RNF139: variants seen among roughly 807,000 people sequenced by gnomAD.
RNF139 encodes ring finger protein 139, also known as E3 ubiquitin-protein ligase RNF139.
A neutral mutation model predicts 49.5 loss-of-function variants in RNF139; 15 were observed. The ratio of observed to expected loss-of-function variants is 0.30; its 90% CI spans 0.20 to 0.47. The LOEUF (loss-of-function observed/expected upper bound fraction) is 0.47. Ranked by LOEUF, RNF139 falls within the 20% of genes least tolerant of loss-of-function variation. RNF139 has a pLI of 1.00. For synonymous variants in RNF139, 325 were observed against 300.9 expected (o/e 1.08, Z -0.83); for missense variants, 619 against 806.3 (o/e 0.77, Z 2.81).
At chr8:124,483,072 A>AT (rs372002851) in intron 1 of RNF139, among the ~76,000 whole-genome samples, 6 of 51,598 alleles carry the variant, frequency 1.2e-4, no homozygotes, top group Non-Finnish European at 1.7e-4. Context: ...ATATATATAT[A>AT]TTATTTAAAT....
At position 124,475,089 on chromosome 8, in the gene RNF139, G is replaced by T. The variant is rs564831571; in HGVS notation, c.-21G>T. The T allele has an allele frequency of 2.0e-6, 3 of 1,536,572 alleles. No homozygotes were observed. Among genetic ancestry groups the T allele is most frequent in the East Asian group, 2.5e-5 (1 of 40,528 alleles). ...CGCGCGGCCCTGCCCGGCCCACCGA[G>T]CCCTGGTGTGGCAGCGGCTCATGGC... On this transcript the variant is annotated 5_prime_UTR_variant, in exon 1 of 2. Coordinates refer to ENST00000303545, the MANE Select transcript of RNF139 (RefSeq NM_007218.4).
chr8:124,478,602 T>G (rs1816349924), intron 1 of RNF139, among the ~76,000 whole-genome samples: 1 of 138,340 alleles, frequency 7.2e-6, no homozygotes, highest in Non-Finnish European at 1.6e-5. Context: ...AGCGAGACTG[T>G]CTCAAAAAAA....
At position 124,474,910 on chromosome 8, in the gene RNF139, CCT is replaced by C. The variant is rs1318466607; in HGVS notation, c.-196_-195del. The C allele has an allele frequency of 3.0e-6, 1 of 337,078 alleles. No homozygotes were observed. The highest frequency in any genetic ancestry group is 5.3e-6 in the Non-Finnish European group (1 of 190,412). The allele number at this position is 337,078 out of a possible 1,614,324, so 20.9% of individuals were successfully genotyped here. ...CCTCCTGGGGAGCCGCCGCCGCCGC[CCT>C]CTCGGCCATCGCTGCCTCCGCCGCC... On this transcript the variant is annotated 5_prime_UTR_variant, in exon 1 of 2. Coordinates refer to ENST00000303545, the MANE Select transcript of RNF139 (RefSeq NM_007218.4). The surrounding 1 kb of genome is among the most constrained non-coding windows in gnomAD (Gnocchi z 4.6).
At position 124,486,578 on chromosome 8, in the gene RNF139, TG is replaced by T; in HGVS notation, c.931del (p.Ala311ProfsTer30). ...GCCCATTATTTGGGGCTTGGAATAT[TG>T]GCCTTTATTGGATCAACTGAGGAAG... ...SVAHYLGLGI[L>X]AFIGSTEEDD... is the part of the protein sequence containing the mutation. On this transcript the variant is annotated frameshift_variant, in exon 2 of 2. Transcript: ENST00000303545. LOFTEE classifies it high-confidence loss of function. 6.2e-7 allele frequency: 1 copy of T among 1,614,182 alleles called. No individual in the cohort carries two copies. The highest frequency in any genetic ancestry group is 8.5e-7 in the Non-Finnish European group (1 of 1,180,028).
In RNF139 at chr8:124,485,955, C is replaced by T. The variant is rs1160525579; in HGVS notation, c.306C>T (p.His102=). 1 of 1,614,190 alleles carries T rather than the reference C, an allele frequency of 6.2e-7. No individual in the cohort carries two copies. ...TGGTGAATTATTATGCTTCTTTGCACATTGACTTCTATGGTGCCTACAACA... is the reference window on the plus strand; with the variant it reads ...TGGTGAATTATTATGCTTCTTTGCATATTGACTTCTATGGTGCCTACAACA... ...SVLVNYYASL[H]IDFYGAYNTS... Residue 102 remains histidine (H), a synonymous_variant, in exon 2 of 2, where the codon CAC becomes CAT. Transcript: ENST00000303545.
Position 124,487,311 on chromosome 8 carries a change from T to A in RNF139, c.1662T>A (p.Phe554Leu). The change falls in exon 2 of 2, where the codon TTT becomes TTA. Residue 554 changes from phenylalanine to leucine, a missense_variant. Phe to Leu is a conservative substitution (Grantham distance 22, BLOSUM62 0). Coordinates refer to ENST00000303545, the MANE Select transcript of RNF139 (RefSeq NM_007218.4). Reference protein sequence around the residue: ...NDVCAICYHEFTTSARITPCN... With the variant: ...NDVCAICYHELTTSARITPCN... ...TATGTGCAATCTGCTATCATGAGTT[T>A]ACAACATCTGCTCGTATTACACCGT... The A allele has an allele frequency of 6.2e-7, 1 of 1,614,110 alleles. No individual in the cohort carries two copies. The highest frequency in any genetic ancestry group is 8.5e-7 in the Non-Finnish European group (1 of 1,179,992).
rs565801567 is a variant in RNF139 at position 124,488,565 on chromosome 8, C to A, written c.*921C>A. ...AAGTTTTACTATGAAATTTTACATA[C>A]ATGATGGAAAGTGGAAGACATATAC... On this transcript the variant is annotated 3_prime_UTR_variant, in exon 2 of 2. Coordinates refer to ENST00000303545, the MANE Select transcript of RNF139 (RefSeq NM_007218.4). 1 of 1,159,806 alleles carries A rather than the reference C, an allele frequency of 8.6e-7. No homozygotes were observed. Among genetic ancestry groups the A allele is most frequent in the Non-Finnish European group, 1.3e-6 (1 of 796,486 alleles). The allele number at this position is 1,159,806 out of a possible 1,614,324, so 71.8% of individuals were successfully genotyped here.
At position 124,482,970 on chromosome 8, in the gene RNF139, T is replaced by TTTAAATATATATATA. The variant is rs1563631061; in HGVS notation, c.182-2860_182-2859insTAAATATATATATAT. ...TATATATATATATAATATATATATATTATTTAAATATATATATATTTAAAA... is the reference window on the plus strand; with the variant it reads ...TATATATATATATAATATATATATATTTAAATATATATATATATTTAAATATATATATATTTAAAA... On this transcript the variant is annotated intron_variant, in intron 1 of 1. Transcript: ENST00000303545. Among the ~76,000 whole-genome samples, 33 of 92,566 alleles carry TTTAAATATATATATA rather than the reference T, an allele frequency of 3.6e-4. 3 individuals carry two copies. The highest frequency in any genetic ancestry group is 1.1e-3 in the African/African-American group (24 of 22,724). The allele number at this position is 92,566 out of a possible 152,430, so 60.7% of individuals were successfully genotyped here.
chr8:124,487,089 T>C lies in RNF139; in HGVS notation c.1440T>C (p.Phe480=). ...IIEFIFGVVM[F]GNGAYTMMFE... is the part of the protein sequence containing the mutation. ...AATTTATATTTGGAGTTGTAATGTT[T>C]GGAAATGGGGCTTACACTATGATGT... is the stretch of plus-strand genomic sequence containing the variant. The change falls in exon 2 of 2, where the codon TTT becomes TTC. Residue 480 remains phenylalanine (F), a synonymous_variant. Transcript: ENST00000303545. The C allele has an allele frequency of 6.2e-7, 1 of 1,614,004 alleles. No individual in the cohort carries two copies.
At position 124,486,550 on chromosome 8, in the gene RNF139, G is replaced by C. The variant is rs1816534492; in HGVS notation, c.901G>C (p.Val301Leu). Residue 301 changes from valine (V) to leucine (L), a missense_variant, in exon 2 of 2, where the codon GTA becomes CTA. Val to Leu is a conservative substitution (Grantham distance 32). Coordinates refer to ENST00000303545, the MANE Select transcript of RNF139 (RefSeq NM_007218.4). ...VLGMSAVISS[V>L]AHYLGLGILA... Reference sequence around the variant, plus strand: ...GGGCATGAGTGCTGTAATTTCCTCAGTAGCCCATTATTTGGGGCTTGGAAT... The same window carrying C: ...GGGCATGAGTGCTGTAATTTCCTCACTAGCCCATTATTTGGGGCTTGGAAT... 1 of 1,614,056 alleles carries C rather than the reference G, an allele frequency of 6.2e-7. No individual in the cohort carries two copies.
intron 1 of RNF139, among the ~76,000 whole-genome samples, chr8:124,480,611 ACTC>A (rs1816392198): frequency 6.6e-6 from 1 of 152,144 alleles, no homozygotes; most frequent in African/African-American, 2.4e-5. Flanking sequence ...AGCTCACAGA[ACTC>A]AGTCCTTTTG....
Position 124,487,392 on chromosome 8 carries a change from T to C in RNF139, c.1743T>C (p.Thr581=). 1 of 1,614,178 alleles carries C rather than the reference T, an allele frequency of 6.2e-7. No individual in the cohort carries two copies. Among genetic ancestry groups the C allele is most frequent in the Non-Finnish European group, 8.5e-7 (1 of 1,180,014 alleles). Reference sequence around the variant, plus strand: ...GGAAATGGCTGTACATTCAAGATACTTGTCCAATGTGCCATCAGAAAGTAT... The same window carrying C: ...GGAAATGGCTGTACATTCAAGATACCTGTCCAATGTGCCATCAGAAAGTAT... The part of the protein sequence containing the change: ...CLRKWLYIQD[T]CPMCHQKVYI... The change falls in exon 2 of 2, where the codon ACT becomes ACC. Residue 581 remains threonine, a synonymous_variant. Coordinates refer to ENST00000303545, the MANE Select transcript of RNF139 (RefSeq NM_007218.4).
Position 124,488,522 on chromosome 8 carries a change from T to C in RNF139, c.*878T>C. 1 of 765,150 alleles carries C rather than the reference T, an allele frequency of 1.3e-6. No homozygotes were observed. 47.4% of individuals were successfully genotyped at this position (765,150 alleles called of 1,614,324 possible). A position where few individuals can be genotyped will look rare whatever the true frequency, so the allele number is the denominator to read the frequency against. On this transcript the variant is annotated 3_prime_UTR_variant, in exon 2 of 2. Coordinates refer to ENST00000303545, the MANE Select transcript of RNF139 (RefSeq NM_007218.4). Reference sequence around the variant, plus strand: ...CTTTAGACAACTTGCAGATAATTTCTTTATTGAAACTATCAGGAAGTTTTA... The same window carrying C: ...CTTTAGACAACTTGCAGATAATTTCCTTATTGAAACTATCAGGAAGTTTTA...
At position 124,474,949 on chromosome 8, in the gene RNF139, G is replaced by C. The variant is rs1033751957; in HGVS notation, c.-161G>C. 1 of 403,554 alleles carries C rather than the reference G, an allele frequency of 2.5e-6. No individual in the cohort carries two copies. Among genetic ancestry groups the C allele is most frequent in the African/African-American group, 2.1e-5 (1 of 47,430 alleles). The allele number at this position is 403,554 out of a possible 1,614,324, so 25.0% of individuals were successfully genotyped here. On this transcript the variant is annotated 5_prime_UTR_variant, in exon 1 of 2. Transcript: ENST00000303545. This position sits in a 1 kb window ranked among gnomAD's most constrained non-coding sequence, Gnocchi z 4.6. ...CTGCCTCCGCCGCCTGCTCCACCTC[G>C]AGGGACGCGAGCGGGCGGCGGGGCT...
At chr8:124,479,191 A>G (rs1183736162) in intron 1 of RNF139, among the ~76,000 whole-genome samples, 2 of 151,604 alleles carry the variant, frequency 1.3e-5, no homozygotes, top group Non-Finnish European at 2.9e-5. Context: ...CCCAGGTTCA[A>G]GCGATTCTCC....
At position 124,486,024 on chromosome 8, in the gene RNF139, G is replaced by A. The variant is rs201854034; in HGVS notation, c.375G>A (p.Ser125=). ...AGCTGCTTCCTCGAAAAGGTCCCTCGCTGTGGATGGCACTTATCGTTCTAC... is the reference window on the plus strand; with the variant it reads ...AGCTGCTTCCTCGAAAAGGTCCCTCACTGTGGATGGCACTTATCGTTCTAC... ...GIELLPRKGP[S]LWMALIVLQL... Residue 125 remains serine, a synonymous_variant, in exon 2 of 2, where the codon TCG becomes TCA. Coordinates refer to ENST00000303545, the MANE Select transcript of RNF139 (RefSeq NM_007218.4). The A allele has an allele frequency of 3.2e-5, 51 of 1,613,986 alleles. No homozygotes were observed. The highest frequency in any genetic ancestry group is 2.0e-4 in the Admixed American group (12 of 59,986).
At chr8:124,483,066 A>T (rs1391047313) in intron 1 of RNF139, among the ~76,000 whole-genome samples, 1 of 30,848 alleles carries the variant, frequency 3.2e-5, no homozygotes, top group Non-Finnish European at 5.1e-5. Flanking sequence ...TTAAAAATAT[A>T]TATATATTAT....
chr8:124,480,433 CA>C (rs1816389720), intron 1 of RNF139, among the ~76,000 whole-genome samples: 1 of 136,564 alleles, frequency 7.3e-6, no homozygotes, highest in Non-Finnish European at 1.6e-5. Flanking sequence ...AAAAGGAAGT[CA>C]AATCTTGGGT....
chr8:124,475,261 T>G lies in RNF139; in HGVS notation c.152T>G (p.Ile51Ser). ...GATTCCAGCCAAAGCCGGTTCTGCA[T>G]CGTGCTCCAGATCTTCCTCCGGCTC... ...YPDSSQSRFC[I>S]VLQIFLRLFG... Residue 51 changes from isoleucine (I) to serine (S), a missense_variant, in exon 1 of 2, where the codon ATC (isoleucine) becomes AGC (serine). Ile to Ser is a moderately radical substitution (Grantham distance 142). This residue lies in a region of RNF139 where 89 missense variants were observed against 77.5 expected (regional missense o/e 1.15). Transcript: ENST00000303545. 1.9e-6 allele frequency: 3 copies of G among 1,613,456 alleles called. No individual in the cohort carries two copies. The highest frequency in any genetic ancestry group is 2.5e-6 in the Non-Finnish European group (3 of 1,179,700).
Sources: allele counts gnomAD v4.1 joint callset (sites outside exome capture counted in the v4.1 genomes callset), GRCh38; gene constraint gnomAD v4.1.1; regional missense constraint gnomAD v4.1.1; non-coding constraint Gnocchi (gnomAD v3.1); transcripts MANE v1.5; gene names NCBI Gene and HGNC (gene_info 2026-07-23, HGNC 2026-07-21).